The following ENO4 variants were observed in gnomAD, a reference collection of about 807,000 sequenced individuals.
ENO4 encodes 2-phospho-D-glycerate hydro-lyase.
ENO4 carries 53 observed loss-of-function variants against 63.2 expected under a neutral mutation model. The ratio of observed to expected loss-of-function variants is 0.84; its 90% CI spans 0.67 to 1.05. The LOEUF (loss-of-function observed/expected upper bound fraction) is 1.05, where lower values mean the gene tolerates loss of function less well. Among genes scored for constraint, ENO4 ranks in the 50% least tolerant of loss-of-function variants. The probability of loss-of-function intolerance (pLI) is 0.00; values close to 1 mark genes in which losing one functional copy is unlikely to be tolerated. For missense variants in ENO4, 719 were observed against 772.0 expected, an observed-to-expected ratio of 0.93 and a Z score of 0.81; for synonymous variants, 266 against 283.8, an observed-to-expected ratio of 0.94 and a Z score of 0.63.
rs1847042929 is a variant in ENO4, at chr10:116,882,352, G to A, written c.*683G>A. 6.7e-6 allele frequency: 1 copy of A among 149,136 alleles called. No homozygotes were observed. Among genetic ancestry groups the A allele is most frequent in the Non-Finnish European group, 1.5e-5 (1 of 67,754 alleles). 9.2% of individuals were successfully genotyped at this position (149,136 alleles called of 1,614,324 possible). A position where few individuals can be genotyped will look rare whatever the true frequency, so the allele number is the denominator to read the frequency against. On this transcript the variant is annotated 3_prime_UTR_variant, in exon 14 of 14. Coordinates refer to ENST00000341276, the MANE Select transcript of ENO4 (RefSeq NM_001242699.2). ...ATTAATATTCTCAAGGTTATTAAAT[G>A]CCCAGTTATTCATACCACAGCATTT...
intron 10 of ENO4, among the ~76,000 whole-genome samples, chr10:116,895,012 ACAAACT>A (rs1847466449): frequency 6.6e-6 from 1 of 152,192 alleles, no homozygotes; most frequent in Non-Finnish European, 1.5e-5. Context: ...ATGGATAAAC[ACAAACT>A]CAAAGGTGTT....
chr10:116,912,054 T>C (rs887388530), downstream of ENO4, among the ~76,000 whole-genome samples: 3 of 152,238 alleles, frequency 2.0e-5, no homozygotes, highest in African/African-American at 4.8e-5. Context: ...TAAGAAGTTA[T>C]ATTCAAAGCA....
intron 10 of ENO4, among the ~76,000 whole-genome samples, chr10:116,891,446 C>G (rs1847339093): frequency 6.6e-6 from 1 of 152,160 alleles, no homozygotes; most frequent in Admixed American, 6.5e-5. Flanking sequence ...ACGGTCTGAA[C>G]TCTGTTTCAT....
chr10:116,894,114 T>G (rs1265351149), intron 10 of ENO4, among the ~76,000 whole-genome samples: 1 of 152,208 alleles, frequency 6.6e-6, no homozygotes, highest in Non-Finnish European at 1.5e-5. Flanking sequence ...AATGTTTGAC[T>G]GGTCACACCA....
At chr10:116,886,663 G>A (rs1057315179), downstream of ENO4, 11 of 1,519,720 alleles carry the variant, frequency 7.2e-6, no homozygotes, top group Non-Finnish European at 9.8e-6. Flanking sequence ...AACCCAAAAT[G>A]TTCTAAGTCT....
chr10:116,911,511 C>G lies in ENO4; in HGVS notation c.1208C>G (p.Ser403Ter). The stretch of plus-strand genomic sequence containing the variant: ...TACATATGGCCAGCCACTTCATCTT[C>G]AAGCTGTGATGCCAGGATTGGAGGG... Residue 403 changes from serine (S) to a stop codon, truncating the protein, a stop_gained, in exon 11 of 11, where the codon TCA (serine) becomes TGA (stop). Transcript: ENST00000369207. LOFTEE classifies it low-confidence loss of function (END_TRUNC). 6.4e-7 allele frequency: 1 copy of G among 1,550,554 alleles called. No individual in the cohort carries two copies.
chr10:116,856,489 C>T lies in ENO4; in HGVS notation c.295-3C>T, dbSNP rs1375561028. On this transcript the variant is annotated splice_region_variant and splice_polypyrimidine_tract_variant and intron_variant, in intron 2 of 13. Coordinates refer to ENST00000341276, the MANE Select transcript of ENO4 (RefSeq NM_001242699.2). ...GTGTTGAACACATTTATATGATTTT[C>T]AGAACGTATGTTCTGTGGTGATCTC... 1 of 1,535,172 alleles carries T rather than the reference C, an allele frequency of 6.5e-7. No individual in the cohort carries two copies. The highest frequency in any genetic ancestry group is 8.7e-7 in the Non-Finnish European group (1 of 1,146,518).
intron 1 of ENO4, among the ~76,000 whole-genome samples, chr10:116,850,859 G>A (rs193162823): frequency 4.5e-4 from 68 of 152,192 alleles, no homozygotes; most frequent in African/African-American, 1.6e-3. Context: ...TTTCCCAAAG[G>A]ACATAGTGAC....
chr10:116,854,496 G>A (rs1846192783), intron 1 of ENO4, among the ~76,000 whole-genome samples: 3 of 151,344 alleles, frequency 2.0e-5, no homozygotes, highest in Admixed American at 2.0e-4. Context: ...GGAGGCAGAG[G>A]TTGCGGTGAG....
chr10:116,890,714 T>C (rs1168310835), intron 10 of ENO4, among the ~76,000 whole-genome samples: 1 of 152,216 alleles, frequency 6.6e-6, no homozygotes, highest in African/African-American at 2.4e-5. Context: ...GTGCCCCTAC[T>C]GCAAGAGAGC....
chr10:116,898,380 T>C (rs1353564300), intron 10 of ENO4, among the ~76,000 whole-genome samples: 2 of 152,042 alleles, frequency 1.3e-5, no homozygotes, highest in Non-Finnish European at 2.9e-5. Flanking sequence ...ACCCACCCAC[T>C]GATTGGCCTG....
At position 116,856,514 on chromosome 10, in the gene ENO4, C is replaced by G; in HGVS notation, c.317C>G (p.Ser106Trp). 1 of 1,536,018 alleles carries G rather than the reference C, an allele frequency of 6.5e-7. No individual in the cohort carries two copies. Among genetic ancestry groups the G allele is most frequent in the Non-Finnish European group, 8.7e-7 (1 of 1,146,870 alleles). The stretch of plus-strand genomic sequence containing the variant: ...CAGAACGTATGTTCTGTGGTGATCT[C>G]GACTCATTTTGAAGTCCATGAGAAT... ...FPKNVCSVVI[S>W]THFEVHENAL... Residue 106 changes from serine (S) to tryptophan (W), a missense_variant, in exon 3 of 14, where the codon TCG becomes TGG. Transcript: ENST00000341276.
intron 11 of ENO4, 66 bp from the exon 12 acceptor site, chr10:116,879,225 T>A: frequency 8.7e-7 from 1 of 1,147,518 alleles, no homozygotes; most frequent in Non-Finnish European, 1.2e-6. Context: ...TAAATTTTGA[T>A]CCCAGAGGCC....
At chr10:116,887,252 T>G (rs1243385064), downstream of ENO4, among the ~76,000 whole-genome samples, 1 of 152,178 alleles carries the variant, frequency 6.6e-6, no homozygotes, top group African/African-American at 2.4e-5. Flanking sequence ...TTCCACAGAC[T>G]CCTTCTCTCG....
chr10:116,871,804 TAGG>T (rs1368738126), intron 9 of ENO4, among the ~76,000 whole-genome samples: 9 of 152,204 alleles, frequency 5.9e-5, no homozygotes, highest in African/African-American at 2.2e-4. Context: ...CAGCCTGGGT[TAGG>T]AGGACAGAGC....
At chr10:116,886,562 G>A (rs2133294488), downstream of ENO4, 1 of 1,614,078 alleles carries the variant, frequency 6.2e-7, no homozygotes, top group East Asian at 2.2e-5. Flanking sequence ...ATGCTACTGG[G>A]AGGCCTATGA....
At chr10:116,868,565 T>A in intron 7 of ENO4, 85 bp from the exon 8 acceptor site, 1 of 1,110,190 alleles carries the variant, frequency 9.0e-7, no homozygotes, top group East Asian at 2.6e-5. Flanking sequence ...GTGTTGCTGG[T>A]CAGGTCTCAG....
downstream of ENO4, chr10:116,886,250 G>C: frequency 2.7e-6 from 4 of 1,506,262 alleles, no homozygotes; most frequent in Non-Finnish European, 3.6e-6. Flanking sequence ...ACAGTGACCA[G>C]AGCAGAATGT....
At chr10:116,907,454 C>G (rs1383126096) in intron 10 of ENO4, among the ~76,000 whole-genome samples, 1 of 152,142 alleles carries the variant, frequency 6.6e-6, no homozygotes, top group African/African-American at 2.4e-5. Context: ...AATCTGTACT[C>G]CTGCTGAAAC....
Sources: allele counts gnomAD v4.1 joint callset (sites outside exome capture counted in the v4.1 genomes callset), GRCh38; gene constraint gnomAD v4.1.1; transcripts MANE v1.5; gene names NCBI Gene and HGNC (gene_info 2026-07-23, HGNC 2026-07-21).